SIK3: variants seen among roughly 807,000 people sequenced by gnomAD.
SIK3 encodes the protein SIK family kinase 3, also known as serine/threonine-protein kinase SIK3.
In SIK3, 28 loss-of-function variants were observed where a neutral mutation model predicts 144.2. The observed-to-expected ratio is 0.19, with a 90% CI of 0.14 to 0.27. The LOEUF (loss-of-function observed/expected upper bound fraction) is 0.27. Among genes scored for constraint, SIK3 ranks in the 10% least tolerant of loss-of-function variants. The probability of loss-of-function intolerance (pLI) is 1.00; values close to 1 mark genes in which losing one functional copy is unlikely to be tolerated. For synonymous variants in SIK3, 686 were observed against 676.3 expected, an observed-to-expected ratio of 1.01 and a Z score of -0.22; for missense variants, 1,319 against 1,776.0, an observed-to-expected ratio of 0.74 and a Z score of 4.62.
rs2134565463 is a variant in SIK3 at position 116,876,346 on chromosome 11, T to C, written c.1002A>G (p.Gln334=). 6.2e-7 allele frequency: 1 copy of C among 1,614,114 alleles called. No individual in the cohort carries two copies. Among genetic ancestry groups the C allele is most frequent in the Non-Finnish European group, 8.5e-7 (1 of 1,179,938 alleles). The change falls in exon 8 of 25, where the codon CAA becomes CAG. Residue 334 remains glutamine, a synonymous_variant. Transcript: ENST00000445177. The stretch of plus-strand genomic sequence containing the variant: ...CCACCTGTCTTTCTTCCTTTAGTTG[T>C]TGGCATTCAGCTATTAACTGTAACA... ...PNFDRLIAEC[Q]QLKEERQVDP...
chr11:116,852,066 C>T (rs946205635), intron 21 of SIK3, among the ~76,000 whole-genome samples: 1 of 152,218 alleles, frequency 6.6e-6, no homozygotes, highest in Admixed American at 6.5e-5. Flanking sequence ...CATGAGCGCT[C>T]TCCTGTTTAA....
At chr11:116,847,947 C>CTCTG (rs889843860) in intron 22 of SIK3, among the ~76,000 whole-genome samples, 2 of 152,248 alleles carry the variant, frequency 1.3e-5, no homozygotes, top group African/African-American at 4.8e-5. Flanking sequence ...TCCAGTCACA[C>CTCTG]TCTGCAGTGA....
chr11:116,876,483 C>G (rs1944262252), intron 7 of SIK3, 120 bp from the exon 8 acceptor site: 2 of 808,210 alleles, frequency 2.5e-6, no homozygotes, highest in Non-Finnish European at 4.2e-6. Context: ...TGGCCTCAGA[C>G]AAAGTCTAAG....
At chr11:116,988,239 T>C (rs1950385471) in intron 1 of SIK3, among the ~76,000 whole-genome samples, 1 of 151,604 alleles carries the variant, frequency 6.6e-6, no homozygotes, top group Non-Finnish European at 1.5e-5. Context: ...TACAAAAAAT[T>C]AGCCGGCACG....
chr11:116,859,265 C>A lies in SIK3; in HGVS notation c.2765G>T (p.Ser922Ile). Residue 922 changes from serine to isoleucine, a missense_variant and splice_region_variant, in exon 20 of 25, where the codon AGC becomes ATC. Physicochemically the swap from Ser to Ile is moderately radical, Grantham distance 142. Coordinates refer to ENST00000445177, the MANE Select transcript of SIK3 (RefSeq NM_001366686.3). ...QLSADSAEAHSLNVNRFSPAN... is the reference protein window; with the variant it reads ...QLSADSAEAHILNVNRFSPAN... ...GCTGGGTGACGTTAGGCGGTCTTACCTGTGAGCCTCTGCACTGTCAGCACT... is the reference window on the plus strand; with the variant it reads ...GCTGGGTGACGTTAGGCGGTCTTACATGTGAGCCTCTGCACTGTCAGCACT... The A allele has an allele frequency of 6.2e-7, 1 of 1,600,010 alleles. No individual in the cohort carries two copies. The highest frequency in any genetic ancestry group is 8.5e-7 in the Non-Finnish European group (1 of 1,169,696).
At chr11:117,042,346 G>GC (rs1422215479) in intron 1 of SIK3, among the ~76,000 whole-genome samples, 2 of 152,132 alleles carry the variant, frequency 1.3e-5, no homozygotes, top group Non-Finnish European at 2.9e-5. Context: ...GCTAGTAAAC[G>GC]CAATTCGCAG....
intron 1 of SIK3, among the ~76,000 whole-genome samples, chr11:117,008,335 C>A (rs1042401891): frequency 6.6e-6 from 1 of 152,202 alleles, no homozygotes; most frequent in East Asian, 1.9e-4. Flanking sequence ...AGCTGGGGAA[C>A]CTGTGGCTTG....
chr11:116,958,943 G>A (rs988255304), intron 1 of SIK3, among the ~76,000 whole-genome samples: 3 of 152,170 alleles, frequency 2.0e-5, no homozygotes, highest in Non-Finnish European at 4.4e-5. Context: ...CAAATAGCTT[G>A]GTCTTAATAG....
chr11:117,003,961 C>T (rs2135630630), intron 1 of SIK3, among the ~76,000 whole-genome samples: 1 of 152,240 alleles, frequency 6.6e-6, no homozygotes, highest in African/African-American at 2.4e-5. Flanking sequence ...CTGCCTTCGT[C>T]TGAGCATCTA....
intron 1 of SIK3, among the ~76,000 whole-genome samples, chr11:117,054,358 T>C (rs1591619722): frequency 6.6e-6 from 1 of 152,188 alleles, no homozygotes; most frequent in African/African-American, 2.4e-5. Context: ...GTAGTCTGCA[T>C]ATACTGTAGG....
At chr11:116,903,204 T>G (rs1945828075) in intron 4 of SIK3, among the ~76,000 whole-genome samples, 1 of 152,266 alleles carries the variant, frequency 6.6e-6, no homozygotes, top group South Asian at 2.1e-4. Context: ...GTAACTGTGA[T>G]GGGAGAATAC....
intron 1 of SIK3, among the ~76,000 whole-genome samples, chr11:116,988,316 G>A (rs905300253): frequency 2.6e-5 from 4 of 151,964 alleles, no homozygotes; most frequent in Non-Finnish European, 5.9e-5. Context: ...AACCCGGGAG[G>A]CGGAGCTTGC....
At chr11:117,050,960 C>A (rs553955452) in intron 1 of SIK3, among the ~76,000 whole-genome samples, 1 of 152,044 alleles carries the variant, frequency 6.6e-6, no homozygotes, top group East Asian at 1.9e-4. Context: ...GTTGACTAAG[C>A]TAAGGAATGG....
chr11:116,907,685 A>C (rs1243822713), intron 4 of SIK3, among the ~76,000 whole-genome samples: 1 of 152,160 alleles, frequency 6.6e-6, no homozygotes, highest in Non-Finnish European at 1.5e-5. Context: ...TAGTTATTAC[A>C]GTTTACTGTT....
intron 1 of SIK3, among the ~76,000 whole-genome samples, chr11:116,978,410 T>A (rs556540344): frequency 8.4e-4 from 128 of 152,300 alleles, no homozygotes; most frequent in South Asian, 2.3e-3. Flanking sequence ...CTGAAGTTTG[T>A]TCATTTGCTT....
Position 117,013,901 on chromosome 11 carries a change from GGGGGGGGGGGGAGGGT to G in SIK3, c.274-56853_274-56838del, listed in dbSNP as rs1219486315. 4.7e-4 allele frequency among the ~76,000 whole-genome samples: 28 copies of G among 59,728 alleles called. 2 individuals carry two copies. The highest frequency in any genetic ancestry group is 7.0e-4 in the African/African-American group (13 of 18,504). The allele number at this position is 59,728 out of a possible 152,430, so 39.2% of individuals were successfully genotyped here. The stretch of plus-strand genomic sequence containing the variant: ...TGGATATAAGTCTCCAGATTCTGAG[GGGGGGGGGGGGAGGGT>G]GTGTGTGTGTGTGTGTGTGTGTGTG... On this transcript the variant is annotated intron_variant, in intron 1 of 24. Coordinates refer to ENST00000445177, the MANE Select transcript of SIK3 (RefSeq NM_001366686.3).
At chr11:116,870,174 T>G in intron 14 of SIK3, 157 bp downstream of exon 14, 1 of 1,539,664 alleles carries the variant, frequency 6.5e-7, no homozygotes, top group Non-Finnish European at 8.7e-7. Flanking sequence ...CTTCTGTTAC[T>G]TCCATGTGGG....
chr11:117,040,021 C>CTAGA (rs1952670772), intron 1 of SIK3, among the ~76,000 whole-genome samples: 1 of 152,184 alleles, frequency 6.6e-6, no homozygotes, highest in African/African-American at 2.4e-5. Context: ...CCCACCTGAA[C>CTAGA]TCTAGCTAAT....
intron 1 of SIK3, among the ~76,000 whole-genome samples, chr11:117,031,424 C>T (rs1952252927): frequency 1.3e-5 from 2 of 150,540 alleles, no homozygotes; most frequent in Admixed American, 1.3e-4. Context: ...ATTTAAAAGG[C>T]TATCCTTCCT....
Sources: gnomAD v4.1 joint callset for allele counts (sites outside exome capture counted in the v4.1 genomes callset) on GRCh38, gnomAD v4.1.1 for gene constraint, MANE v1.5 for transcripts, NCBI Gene and HGNC (gene_info 2026-07-23, HGNC 2026-07-21) for gene names.